The following MTHFD2L variants were observed in gnomAD, a reference collection of about 807,000 sequenced individuals.
The protein encoded by MTHFD2L is bifunctional methylenetetrahydrofolate dehydrogenase/cyclohydrolase 2, mitochondrial.
Under a neutral mutation model 34.9 loss-of-function variants are expected in MTHFD2L, and 29 were observed. The ratio of observed to expected loss-of-function variants is 0.83; its 90% confidence interval spans 0.62 to 1.13. The LOEUF (loss-of-function observed/expected upper bound fraction) is 1.13. Among genes scored for constraint, MTHFD2L ranks in the 50% most tolerant of loss-of-function variants. MTHFD2L has a pLI of 0.00. For synonymous variants in MTHFD2L, 167 were observed against 155.7 expected (o/e 1.07, Z -0.54); for missense variants, 481 against 446.5 (o/e 1.08, Z -0.70).
chr4:74,121,684 T>C (rs890582039), upstream of MTHFD2L, among the ~76,000 whole-genome samples: 9 of 146,214 alleles, frequency 6.2e-5, no homozygotes, highest in South Asian at 1.9e-3. Flanking sequence ...AATTATATAA[T>C]ATATAAAAAT....
intron 1 of MTHFD2L, among the ~76,000 whole-genome samples, chr4:74,132,255 T>C (rs1722575698): frequency 6.6e-6 from 1 of 152,132 alleles, no homozygotes; most frequent in East Asian, 1.9e-4. Context: ...ACCCAAAGGA[T>C]TATAAATCAT....
chr4:74,225,015 C>T (rs1738916275), intron 5 of MTHFD2L, among the ~76,000 whole-genome samples: 3 of 152,226 alleles, frequency 2.0e-5, no homozygotes, highest in East Asian at 1.9e-4. Context: ...AAGCAGTCAA[C>T]ACAGAATTTT....
intron 3 of MTHFD2L, among the ~76,000 whole-genome samples, chr4:74,184,993 CA>C (rs1029121374): frequency 1.7e-4 from 25 of 149,334 alleles, no homozygotes; most frequent in Non-Finnish European, 3.4e-4. Context: ...ACTAAAAATA[CA>C]AAAAAAAATT....
In MTHFD2L at chr4:74,199,929, AAAT is replaced by A. The variant is rs765109300; in HGVS notation, c.593_595del (p.Ile198del). 3 of 1,613,826 alleles carry A rather than the reference AAAT, an allele frequency of 1.9e-6. No homozygotes were observed. Among genetic ancestry groups the A allele is most frequent in the Admixed American group, 1.7e-5 (1 of 59,980 alleles). On this transcript the variant is annotated inframe_deletion, in exon 4 of 8. Transcript: ENST00000325278. ...CCTGCCACTGCCAGTGCTGTTTGGG[AAAT>A]AATAAAAAGAACAGGTTGGTAATTT...
chr4:74,266,197 C>A (rs1363649268), intron 6 of MTHFD2L, among the ~76,000 whole-genome samples: 1 of 152,066 alleles, frequency 6.6e-6, no homozygotes, highest in Non-Finnish European at 1.5e-5. Context: ...TTATGTTGTT[C>A]CAGAGGTTTC....
At chr4:74,201,199 G>T in intron 4 of MTHFD2L, 64 bp from the exon 5 acceptor site, 1 of 1,230,626 alleles carries the variant, frequency 8.1e-7, no homozygotes, top group Non-Finnish European at 1.2e-6. Flanking sequence ...TCAGTTGGCT[G>T]TACAAATGTT....
intron 6 of MTHFD2L, among the ~76,000 whole-genome samples, chr4:74,269,266 G>T (rs1560546193): frequency 6.6e-6 from 1 of 151,994 alleles, no homozygotes; most frequent in East Asian, 1.9e-4. Context: ...AGCTTGGGGG[G>T]AAAAAACACA....
chr4:74,181,864 G>A (rs1560456892), intron 3 of MTHFD2L: 2 of 152,000 alleles, frequency 1.3e-5, no homozygotes, highest in African/African-American at 2.4e-5. Context: ...GGCATAAAAA[G>A]GTGGATATCG....
intron 6 of MTHFD2L, chr4:74,242,340 G>A (rs1741846205): frequency 6.6e-6 from 1 of 152,076 alleles, no homozygotes; most frequent in Admixed American, 6.6e-5. Context: ...GTGGTTGGTA[G>A]CAAACAGATT....
rs117667257 is a variant in MTHFD2L, at chr4:74,114,739, G to A, written c.-144+82G>A. On this transcript the variant is annotated intron_variant and NMD_transcript_variant, in intron 2 of 9. Coordinates refer to the MTHFD2L transcript ENST00000429519. ...CTCTCACAAACATAGGAGATTATTAGCATACAAATTAATGTCTAGGTTTGT... is the reference window on the plus strand; with the variant it reads ...CTCTCACAAACATAGGAGATTATTAACATACAAATTAATGTCTAGGTTTGT... The A allele has an allele frequency of 3.9e-5, 6 of 152,304 alleles. No individual in the cohort carries two copies. In the East Asian group the frequency reaches 1.2e-3, roughly 29 times the overall value. 9.4% of individuals were successfully genotyped at this position (152,304 alleles called of 1,614,324 possible).
chr4:74,279,240 A>G (rs1221373386), intron 6 of MTHFD2L, among the ~76,000 whole-genome samples: 1 of 152,044 alleles, frequency 6.6e-6, no homozygotes, highest in African/African-American at 2.4e-5. Flanking sequence ...TTTTAATTTA[A>G]TGACAGAGTG....
At chr4:74,237,474 C>A (rs1471569529) in intron 6 of MTHFD2L, among the ~76,000 whole-genome samples, 1 of 152,130 alleles carries the variant, frequency 6.6e-6, no homozygotes, top group African/African-American at 2.4e-5. Context: ...CATGGTAAAA[C>A]CCAGTCTTCA....
At chr4:74,177,808 G>A (rs1440499124) in intron 3 of MTHFD2L, among the ~76,000 whole-genome samples, 1 of 151,898 alleles carries the variant, frequency 6.6e-6, no homozygotes, top group Non-Finnish European at 1.5e-5. Context: ...CTAAAGTAAT[G>A]CTGCACATTG....
At chr4:74,156,862 G>A (rs909447825), upstream of MTHFD2L, 9 of 151,988 alleles carry the variant, frequency 5.9e-5, no homozygotes, top group African/African-American at 2.2e-4. Context: ...TTTGGTGGGT[G>A]TTTTCAGATC....
chr4:74,122,933 A>G (rs1157260683), upstream of MTHFD2L, among the ~76,000 whole-genome samples: 1 of 152,204 alleles, frequency 6.6e-6, no homozygotes, highest in Non-Finnish European at 1.5e-5. Flanking sequence ...ATCTGGGCAA[A>G]AAAATTCTGG....
chr4:74,186,475 A>G (rs1017480693), intron 3 of MTHFD2L, among the ~76,000 whole-genome samples: 2 of 148,542 alleles, frequency 1.3e-5, no homozygotes, highest in African/African-American at 4.9e-5. Flanking sequence ...ACTAGTACTA[A>G]TAAGTGAGTT....
At chr4:74,242,001 G>A (rs1175274637) in intron 6 of MTHFD2L, 1 of 152,896 alleles carries the variant, frequency 6.5e-6, no homozygotes, top group Non-Finnish European at 1.5e-5. Flanking sequence ...CTGTAATAAG[G>A]CAACATGAGG....
chr4:74,128,477 C>G (rs1019237314), intron 1 of MTHFD2L, among the ~76,000 whole-genome samples: 1 of 152,028 alleles, frequency 6.6e-6, no homozygotes, highest in African/African-American at 2.4e-5. Context: ...AGAGACTGCC[C>G]TTCCCCCATT....
rs2109802939 is a variant in MTHFD2L at position 74,130,657 on chromosome 4, T to C, written c.-297+5140T>C. On this transcript the variant is annotated intron_variant, in intron 1 of 7. Coordinates refer to the MTHFD2L transcript ENST00000433372. ...ACTGATTGGGCAAAAGCTGGAAGCATTCCCTTTGAAAACCGGCACAAGACA... is the reference window on the plus strand; with the variant it reads ...ACTGATTGGGCAAAAGCTGGAAGCACTCCCTTTGAAAACCGGCACAAGACA... Among the ~76,000 whole-genome samples, 3 of 152,282 alleles carry C rather than the reference T, an allele frequency of 2.0e-5. 1 individual carries two copies. In the South Asian group the frequency reaches 6.2e-4, roughly 32 times the overall value.
Sources: allele counts gnomAD v4.1 joint callset (sites outside exome capture counted in the v4.1 genomes callset), GRCh38; gene constraint gnomAD v4.1.1; transcripts MANE v1.5; gene names NCBI Gene and HGNC (gene_info 2026-07-23, HGNC 2026-07-21).